Variants in TNFRSF11A observed in about 807,000 individuals in gnomAD.
TNFRSF11A encodes the protein TNF receptor superfamily member 11a.
In TNFRSF11A, 32 loss-of-function variants were observed where a neutral mutation model predicts 55.7. The ratio of observed to expected loss-of-function variants is 0.57; its 90% confidence interval spans 0.43 to 0.77. The LOEUF (loss-of-function observed/expected upper bound fraction) is 0.77, where lower values mean the gene tolerates loss of function less well. Among genes scored for constraint, TNFRSF11A ranks in the 30% least tolerant of loss-of-function variants. The pLI, the probability that TNFRSF11A is intolerant of heterozygous loss-of-function variation, is 0.00. For missense variants in TNFRSF11A, 753 were observed against 809.8 expected, an observed-to-expected ratio of 0.93 and a Z score of 0.85; for synonymous variants, 311 against 331.0, an observed-to-expected ratio of 0.94 and a Z score of 0.65.
intron 1 of TNFRSF11A, among the ~76,000 whole-genome samples, chr18:62,341,734 A>G (rs1600363775): frequency 6.6e-6 from 1 of 151,818 alleles, no homozygotes; most frequent in East Asian, 1.9e-4. Context: ...CCAGTGCCAC[A>G]TCATGTATAG....
chr18:62,344,122 C>T (rs966888165), intron 1 of TNFRSF11A, among the ~76,000 whole-genome samples: 1 of 152,156 alleles, frequency 6.6e-6, no homozygotes, highest in Non-Finnish European at 1.5e-5. Flanking sequence ...GAAGAATGCA[C>T]CCCAAAAGAT....
At chr18:62,362,412 C>T (rs536441925) in intron 7 of TNFRSF11A, among the ~76,000 whole-genome samples, 1 of 146,216 alleles carries the variant, frequency 6.8e-6, no homozygotes, top group Admixed American at 7.1e-5. Flanking sequence ...ATCACTTGAA[C>T]CTAGGAGGCA....
intron 7 of TNFRSF11A, among the ~76,000 whole-genome samples, chr18:62,365,336 T>C (rs1910001094): frequency 6.6e-6 from 1 of 152,244 alleles, no homozygotes; most frequent in African/African-American, 2.4e-5. Context: ...CTTTGCATAA[T>C]ATAAATTCAT....
In TNFRSF11A at chr18:62,325,971, G is replaced by A. The variant is rs778377552; in HGVS notation, c.75+544G>A. On this transcript the variant is annotated intron_variant, in intron 1 of 9. Coordinates refer to ENST00000586569, the MANE Select transcript of TNFRSF11A (RefSeq NM_003839.4). The surrounding 1 kb of genome is among the most constrained non-coding windows in gnomAD (Gnocchi z 4.7). ...CTCGCCTGGAGGCCCCGCACGGCGGGGAGAGACTGCGCGCGCGCCCCGGGG... is the reference window on the plus strand; with the variant it reads ...CTCGCCTGGAGGCCCCGCACGGCGGAGAGAGACTGCGCGCGCGCCCCGGGG... Among the ~76,000 whole-genome samples, 3 of 152,196 alleles carry A rather than the reference G, an allele frequency of 2.0e-5. No homozygotes were observed. The highest frequency in any genetic ancestry group is 4.4e-5 in the Non-Finnish European group (3 of 68,026).
chr18:62,372,647 G>A (rs1051349893), intron 9 of TNFRSF11A, among the ~76,000 whole-genome samples: 5 of 152,060 alleles, frequency 3.3e-5, no homozygotes, highest in African/African-American at 1.2e-4. Flanking sequence ...TTCAATCCTT[G>A]TTTCTCTCCC....
intron 7 of TNFRSF11A, among the ~76,000 whole-genome samples, chr18:62,364,200 G>C (rs1175042613): frequency 6.6e-6 from 1 of 152,184 alleles, no homozygotes; most frequent in Non-Finnish European, 1.5e-5. Context: ...GAATTCACTA[G>C]ACAAGGGGCA....
In TNFRSF11A at chr18:62,325,429, T is replaced by G; in HGVS notation, c.75+2T>G. ...TGCGCGCTGCTCGCCCGGCTGCAGG[T>G]AAGGAGCGCCCGCGCCTGCCGGGCC... On this transcript the variant is annotated splice_donor_variant, in intron 1 of 9. Coordinates refer to ENST00000586569, the MANE Select transcript of TNFRSF11A (RefSeq NM_003839.4). LOFTEE classifies it high-confidence loss of function. This position sits in a 1 kb window ranked among gnomAD's most constrained non-coding sequence, Gnocchi z 4.7. 8.0e-7 allele frequency: 1 copy of G among 1,255,454 alleles called. No individual in the cohort carries two copies. Among genetic ancestry groups the G allele is most frequent in the Non-Finnish European group, 1.0e-6 (1 of 986,772 alleles). 77.8% of individuals were successfully genotyped at this position (1,255,454 alleles called of 1,614,324 possible).
At chr18:62,376,525 C>G (rs1049164783) in intron 9 of TNFRSF11A, among the ~76,000 whole-genome samples, 1 of 152,072 alleles carries the variant, frequency 6.6e-6, no homozygotes, top group Non-Finnish European at 1.5e-5. Flanking sequence ...CAGAGATTTC[C>G]TATATACCTC....
At chr18:62,378,414 G>C (rs192711508) in intron 9 of TNFRSF11A, among the ~76,000 whole-genome samples, 1 of 152,342 alleles carries the variant, frequency 6.6e-6, no homozygotes, top group East Asian at 1.9e-4. Context: ...GCAAACAGAA[G>C]TTGGTTAGAT....
intron 4 of TNFRSF11A, among the ~76,000 whole-genome samples, chr18:62,355,701 A>G (rs1333324865): frequency 1.3e-5 from 2 of 150,380 alleles, no homozygotes; most frequent in South Asian, 2.1e-4. Flanking sequence ...CTATTTTGCT[A>G]TATTATAATC....
intron 3 of TNFRSF11A, among the ~76,000 whole-genome samples, chr18:62,350,947 A>T (rs1174248190): frequency 2.7e-5 from 4 of 149,790 alleles, no homozygotes; most frequent in Admixed American, 6.6e-5. Flanking sequence ...TGTTGGTTGC[A>T]TTCCCTTGGT....
At chr18:62,360,197 T>A in intron 6 of TNFRSF11A, 148 bp downstream of exon 6, 1 of 689,818 alleles carries the variant, frequency 1.4e-6, no homozygotes, top group Non-Finnish European at 2.7e-6. Context: ...TTCATTCTCA[T>A]CAGTATTTTA....
intron 3 of TNFRSF11A, among the ~76,000 whole-genome samples, chr18:62,353,799 A>G (rs1909023596): frequency 6.6e-6 from 1 of 152,194 alleles, no homozygotes; most frequent in Non-Finnish European, 1.5e-5. Context: ...GAGATTTGGA[A>G]CAAGAAGGCC....
At chr18:62,343,981 CA>C (rs1331391568) in intron 1 of TNFRSF11A, among the ~76,000 whole-genome samples, 9 of 152,070 alleles carry the variant, frequency 5.9e-5, no homozygotes, top group African/African-American at 2.2e-4. Flanking sequence ...CTTTTCTAAA[CA>C]AGACCTCTAA....
chr18:62,353,490 C>T (rs75923485), intron 3 of TNFRSF11A, among the ~76,000 whole-genome samples: 2,319 of 152,238 alleles, frequency 0.015, 57 homozygotes, highest in African/African-American at 0.053. Context: ...GGCAGAGCAT[C>T]GATTACCCAA....
chr18:62,359,473 G>A (rs907804773), intron 5 of TNFRSF11A, among the ~76,000 whole-genome samples: 4 of 152,066 alleles, frequency 2.6e-5, no homozygotes, highest in Non-Finnish European at 5.9e-5. Context: ...TCAACCTCCT[G>A]GGCTCAAGCA....
At chr18:62,368,558 A>G (rs1240587893) in intron 8 of TNFRSF11A, 143 bp from the exon 9 acceptor site, 2 of 853,380 alleles carry the variant, frequency 2.3e-6, no homozygotes, top group South Asian at 1.5e-5. Flanking sequence ...TTGAAATAAC[A>G]CAAAGTTCCA....
intron 1 of TNFRSF11A, among the ~76,000 whole-genome samples, chr18:62,340,049 G>A (rs1163148619): frequency 6.6e-6 from 1 of 151,568 alleles, no homozygotes; most frequent in Non-Finnish European, 1.5e-5. Context: ...CAGCTACTCA[G>A]GGGCTGGCAT....
At position 62,385,668 on chromosome 18, in the gene TNFRSF11A, C is replaced by CCG. The variant is rs1911683369; in HGVS notation, c.*635_*636insGC. On this transcript the variant is annotated 3_prime_UTR_variant, in exon 10 of 10. Coordinates refer to ENST00000586569, the MANE Select transcript of TNFRSF11A (RefSeq NM_003839.4). ...CAGCTTCCTCCCCCCGACTCCCCCC[C>CCG]CAGAGACACGGTCCCACCATGTTAC... 6.6e-6 allele frequency: 1 copy of CCG among 151,102 alleles called. No individual in the cohort carries two copies. The highest frequency in any genetic ancestry group is 1.5e-5 in the Non-Finnish European group (1 of 67,716). 9.4% of individuals were successfully genotyped at this position (151,102 alleles called of 1,614,324 possible). A position where few individuals can be genotyped will look rare whatever the true frequency, so the allele number is the denominator to read the frequency against.
Sources: gnomAD v4.1 joint callset for allele counts (sites outside exome capture counted in the v4.1 genomes callset) on GRCh38, gnomAD v4.1.1 for gene constraint, Gnocchi (gnomAD v3.1) non-coding constraint, MANE v1.5 for transcripts, NCBI Gene and HGNC (gene_info 2026-07-23, HGNC 2026-07-21) for gene names.